The following SH2D4B variants were observed in gnomAD, a reference collection of about 807,000 sequenced individuals.
SH2D4B encodes the protein SH2 domain containing 4B, also known as SH2 domain-containing protein 4B.
A neutral mutation model predicts 61.5 loss-of-function variants in SH2D4B; 45 were observed. That is an observed-to-expected ratio of 0.73 (90% CI 0.58 to 0.94). The LOEUF is 0.94. SH2D4B is among the 40% of genes least tolerant of loss of function. The pLI is 0.00. For synonymous variants in SH2D4B, 224 were observed against 220.4 expected (o/e 1.02, Z -0.14); for missense variants, 572 against 574.2 (o/e 1.00, Z 0.04).
chr10:80,605,055 A>G (rs535508382), intron 5 of SH2D4B, among the ~76,000 whole-genome samples: 1 of 152,142 alleles, frequency 6.6e-6, no homozygotes, highest in Non-Finnish European at 1.5e-5. Context: ...GGCCTCCCAA[A>G]GTGCTGGGAT....
At chr10:80,609,298 AC>A (rs1166221763) in intron 5 of SH2D4B, 125 bp from the exon 6 acceptor site, 17 of 267,664 alleles carry the variant, frequency 6.4e-5, no homozygotes, top group Admixed American at 1.5e-4. Context: ...CCCTTCTTCC[AC>A]CCCCCCTTCC....
chr10:80,572,986 A>ATAT (rs1564772012), intron 3 of SH2D4B, among the ~76,000 whole-genome samples: 4 of 8,878 alleles, frequency 4.5e-4, no homozygotes, highest in Non-Finnish European at 6.1e-4. Flanking sequence ...ATATATATAT[A>ATAT]TTTTTTTTTT....
At chr10:80,627,941 T>G (rs1842782050) in intron 6 of SH2D4B, among the ~76,000 whole-genome samples, 1 of 152,238 alleles carries the variant, frequency 6.6e-6, no homozygotes, top group South Asian at 2.1e-4. Flanking sequence ...ATTGTCACCC[T>G]GGAGCGTTGG....
rs779717202 is a variant in SH2D4B at position 80,570,191 on chromosome 10, A to T, written c.222A>T (p.Ala74=). 1 of 1,614,206 alleles carries T rather than the reference A, an allele frequency of 6.2e-7. No individual in the cohort carries two copies. Among genetic ancestry groups the T allele is most frequent in the Non-Finnish European group, 8.5e-7 (1 of 1,180,036 alleles). The change falls in exon 2 of 8, where the codon GCA becomes GCT. Residue 74 remains alanine (A), a synonymous_variant. Transcript: ENST00000646907. ...AGCACATCCAATGGCTCCTAGGGGC[A>T]GATGGCGAGGTCTGGGTCTGGATCA... ...SDKHIQWLLG[A]DGEVWVWIMG...
chr10:80,608,987 G>A (rs1842556675), intron 5 of SH2D4B, among the ~76,000 whole-genome samples: 1 of 152,124 alleles, frequency 6.6e-6, no homozygotes, highest in East Asian at 1.9e-4. Context: ...GATGAGACAC[G>A]CTCATTTACT....
At chr10:80,621,453 T>G (rs937107179) in intron 6 of SH2D4B, among the ~76,000 whole-genome samples, 1 of 152,244 alleles carries the variant, frequency 6.6e-6, no homozygotes, top group Non-Finnish European at 1.5e-5. Context: ...TGACTAAAAA[T>G]AAATAACTTA....
intron 6 of SH2D4B, among the ~76,000 whole-genome samples, chr10:80,633,664 A>G (rs1400780554): frequency 6.6e-6 from 1 of 152,232 alleles, no homozygotes; most frequent in African/African-American, 2.4e-5. Flanking sequence ...CAGAATTCCA[A>G]ATTGTGATGA....
chr10:80,609,324 C>A, intron 5 of SH2D4B, 100 bp from the exon 6 acceptor site: 18 of 817,516 alleles, frequency 2.2e-5, no homozygotes, highest in East Asian at 5.1e-5. Context: ...CCTCCTTTTA[C>A]CTTCCTCTCC....
At chr10:80,580,878 G>A (rs1293967422) in intron 3 of SH2D4B, among the ~76,000 whole-genome samples, 5 of 152,132 alleles carry the variant, frequency 3.3e-5, no homozygotes, top group Admixed American at 6.5e-5. Context: ...TTCCTAGGCA[G>A]CAGGGGAGTC....
At chr10:80,592,769 A>G (rs2132133002) in intron 4 of SH2D4B, among the ~76,000 whole-genome samples, 1 of 147,064 alleles carries the variant, frequency 6.8e-6, no homozygotes, top group Non-Finnish European at 1.5e-5. Context: ...GCTGGAGTAC[A>G]GTGGTGTGAT....
At chr10:80,639,656 T>G (rs1840253603) in intron 7 of SH2D4B, among the ~76,000 whole-genome samples, 1 of 152,234 alleles carries the variant, frequency 6.6e-6, no homozygotes. Flanking sequence ...CATCTCTTTA[T>G]TTTGAGCCTA....
intron 6 of SH2D4B, among the ~76,000 whole-genome samples, chr10:80,634,074 A>T (rs1842865016): frequency 6.6e-6 from 1 of 152,194 alleles, no homozygotes; most frequent in African/African-American, 2.4e-5. Context: ...CCCCAGGCTC[A>T]CGGCGGGTGG....
At chr10:80,572,980 ATATATAT>A (rs1842077030) in intron 3 of SH2D4B, among the ~76,000 whole-genome samples, 1 of 9,322 alleles carries the variant, frequency 1.1e-4, no homozygotes, top group African/African-American at 5.0e-4. Flanking sequence ...ATATATATAT[ATATATAT>A]TTTTTTTTTT....
intron 3 of SH2D4B, among the ~76,000 whole-genome samples, chr10:80,588,054 T>C (rs1486236593): frequency 2.6e-5 from 4 of 152,188 alleles, no homozygotes; most frequent in Admixed American, 2.6e-4. Context: ...ACACCAGGGT[T>C]CCATCCAGGT....
At chr10:80,618,696 C>T (rs775690599) in intron 6 of SH2D4B, among the ~76,000 whole-genome samples, 40 of 152,028 alleles carry the variant, frequency 2.6e-4, no homozygotes, top group Non-Finnish European at 4.7e-4. Context: ...GGCGTAGCTG[C>T]GGTGAAAGCT....
chr10:80,553,868 C>T (rs1841792915), intron 1 of SH2D4B, among the ~76,000 whole-genome samples: 1 of 152,198 alleles, frequency 6.6e-6, no homozygotes. Context: ...TGTCTGGGTT[C>T]CAATTTTGGC....
At chr10:80,611,742 G>A (rs896417177) in intron 6 of SH2D4B, among the ~76,000 whole-genome samples, 4 of 152,104 alleles carry the variant, frequency 2.6e-5, no homozygotes, top group Admixed American at 2.0e-4. Flanking sequence ...GAGAAGGTGC[G>A]ACCAAGGTGC....
At chr10:80,598,044 C>A (rs1331500217) in intron 4 of SH2D4B, among the ~76,000 whole-genome samples, 1 of 152,202 alleles carries the variant, frequency 6.6e-6, no homozygotes, top group Non-Finnish European at 1.5e-5. Flanking sequence ...TGAACCATTA[C>A]AAAGTTGTCA....
chr10:80,595,020 G>A (rs1378560364), intron 4 of SH2D4B, among the ~76,000 whole-genome samples: 2 of 150,252 alleles, frequency 1.3e-5, no homozygotes, highest in Admixed American at 1.3e-4. Flanking sequence ...AAACCAAACA[G>A]CGTCTAAAAA....
Sources: allele counts gnomAD v4.1 joint callset (sites outside exome capture counted in the v4.1 genomes callset), GRCh38; gene constraint gnomAD v4.1.1; transcripts MANE v1.5; gene names NCBI Gene and HGNC (gene_info 2026-07-23, HGNC 2026-07-21).